The following SRGN variants were observed in gnomAD, a reference collection of about 807,000 sequenced individuals.
The protein encoded by SRGN is hematopoetic proteoglycan core peptide.
A neutral mutation model predicts 9.5 loss-of-function variants in SRGN; 2 were observed. The ratio of observed to expected loss-of-function variants is 0.21; its 90% CI spans 0.09 to 0.66. SRGN has a LOEUF of 0.66. Ranked by LOEUF, SRGN falls within the 30% of genes least tolerant of loss-of-function variation. The probability of loss-of-function intolerance (pLI) is 0.83; values close to 1 mark genes in which losing one functional copy is unlikely to be tolerated. For missense variants in SRGN, 170 were observed against 192.4 expected, an observed-to-expected ratio of 0.88 and a Z score of 0.69; for synonymous variants, 59 against 72.3, an observed-to-expected ratio of 0.82 and a Z score of 0.93.
chr10:69,093,542 G>GTAGCA (rs1840109864), intron 1 of SRGN, among the ~76,000 whole-genome samples: 1 of 152,162 alleles, frequency 6.6e-6, no homozygotes, highest in African/African-American at 2.4e-5. Context: ...GTAGCAATTA[G>GTAGCA]ATGCTAAACT....
intron 2 of SRGN, among the ~76,000 whole-genome samples, chr10:69,097,484 T>C (rs531009502): frequency 7.0e-6 from 1 of 143,414 alleles, no homozygotes; most frequent in Non-Finnish European, 1.5e-5. Flanking sequence ...TGGAGTGCAG[T>C]GGCGCAATCT....
intron 1 of SRGN, 109 bp from the exon 2 acceptor site, chr10:69,096,975 C>T: frequency 4.2e-6 from 5 of 1,182,024 alleles, no homozygotes; most frequent in Non-Finnish European, 4.7e-6. Flanking sequence ...GCTTGGGCAG[C>T]CGACTGAGAC....
intron 1 of SRGN, among the ~76,000 whole-genome samples, chr10:69,089,357 TAGGGAATATCTTC>T (rs1349319825): frequency 6.6e-6 from 1 of 152,220 alleles, no homozygotes; most frequent in African/African-American, 2.4e-5. Context: ...TGGGATCTTT[TAGGGAATATCTTC>T]AGCTTGATGA....
chr10:69,096,196 C>G (rs990355253), intron 1 of SRGN, among the ~76,000 whole-genome samples: 2 of 152,140 alleles, frequency 1.3e-5, no homozygotes, highest in Non-Finnish European at 1.5e-5. Context: ...GTGTTCCTTC[C>G]CCTTTCTGAA....
intron 2 of SRGN, chr10:69,098,641 AT>A (rs1347840550): frequency 1.3e-5 from 2 of 151,818 alleles, no homozygotes; most frequent in Admixed American, 6.6e-5. Flanking sequence ...TATTAAAAAA[AT>A]GTTCTTCAAG....
chr10:69,099,604 G>GCTGGTGACTTTCTCCATCA (rs1189067176), intron 2 of SRGN, among the ~76,000 whole-genome samples: 2 of 151,942 alleles, frequency 1.3e-5, no homozygotes, highest in Non-Finnish European at 2.9e-5. Flanking sequence ...CATTCCCAGC[G>GCTGGTGACTTTCTCCATCA]CTGGTGACTT....
At chr10:69,094,552 G>C (rs1182865773) in intron 1 of SRGN, among the ~76,000 whole-genome samples, 2 of 152,000 alleles carry the variant, frequency 1.3e-5, no homozygotes, top group East Asian at 3.9e-4. Context: ...ATGCAAAGAG[G>C]TATTCTGATT....
chr10:69,089,457 C>G (rs1379576328), intron 1 of SRGN, among the ~76,000 whole-genome samples: 1 of 152,112 alleles, frequency 6.6e-6, no homozygotes, highest in Non-Finnish European at 1.5e-5. Context: ...TCTTGAATGG[C>G]CAGATGGTGC....
intron 1 of SRGN, among the ~76,000 whole-genome samples, chr10:69,092,596 C>G (rs1840086950): frequency 6.6e-6 from 1 of 152,092 alleles, no homozygotes; most frequent in Non-Finnish European, 1.5e-5. Flanking sequence ...GAGTTTGAGA[C>G]TAGCCTGGCC....
At position 69,104,179 on chromosome 10, in the gene SRGN, G is replaced by T; in HGVS notation, c.*59G>T. ...TAGTTAGCATATTTTATGTACCATG[G>T]TTATATGATTAATCTTGGGACAAAG... On this transcript the variant is annotated 3_prime_UTR_variant, in exon 3 of 3. Coordinates refer to ENST00000242465, the MANE Select transcript of SRGN (RefSeq NM_002727.4). 6.5e-7 allele frequency: 1 copy of T among 1,547,836 alleles called. No homozygotes were observed. Among genetic ancestry groups the T allele is most frequent in the East Asian group, 2.3e-5 (1 of 43,922 alleles).
At chr10:69,096,983 G>A (rs1324198827) in intron 1 of SRGN, 101 bp from the exon 2 acceptor site, 2 of 1,277,790 alleles carry the variant, frequency 1.6e-6, no homozygotes, top group Non-Finnish European at 2.1e-6. Flanking sequence ...AGCCGACTGA[G>A]ACCCTGTCTC....
intron 2 of SRGN, among the ~76,000 whole-genome samples, chr10:69,100,711 A>T (rs1840271750): frequency 6.6e-6 from 1 of 151,436 alleles, no homozygotes; most frequent in African/African-American, 2.4e-5. Context: ...GGTGGAACTG[A>T]CCCCTGGCGT....
chr10:69,095,660 T>C (rs1442928578), intron 1 of SRGN, among the ~76,000 whole-genome samples: 2 of 152,104 alleles, frequency 1.3e-5, no homozygotes, highest in Admixed American at 1.3e-4. Flanking sequence ...CCTGTAATCC[T>C]CACATTTTCA....
rs760390232 is a variant in SRGN, at chr10:69,097,133, C to T, written c.129C>T (p.Asp43=). The T allele has an allele frequency of 2.5e-6, 4 of 1,614,158 alleles. No individual in the cohort carries two copies. Among genetic ancestry groups the T allele is most frequent in the South Asian group, 2.2e-5 (2 of 91,084 alleles). The change falls in exon 2 of 3, where the codon GAC becomes GAT. Residue 43 remains aspartate (D), a synonymous_variant. Transcript: ENST00000242465. The part of the protein sequence containing the change: ...ARYQWVRCNP[D]SNSANCLEEK... ...ACCAATGGGTGCGCTGCAATCCAGA[C>T]AGTAATTCTGCAAACTGCCTTGAAG...
intron 1 of SRGN, among the ~76,000 whole-genome samples, chr10:69,090,312 A>C (rs751974600): frequency 6.6e-6 from 1 of 152,256 alleles, no homozygotes; most frequent in South Asian, 2.1e-4. Flanking sequence ...GATGAAATCA[A>C]CTAGGCTTTT....
intron 1 of SRGN, among the ~76,000 whole-genome samples, chr10:69,094,631 G>A (rs1244879156): frequency 1.3e-5 from 2 of 151,870 alleles, no homozygotes; most frequent in Admixed American, 6.6e-5. Context: ...GTCTCGCTGT[G>A]TCACCCAGGC....
Position 69,097,160 on chromosome 10 carries a change from A to C in SRGN, c.156A>C (p.Glu52Asp). Reference sequence around the variant, plus strand: ...GTAATTCTGCAAACTGCCTTGAAGAAAAAGGACCAATGTTCGAACTACTTC... The same window carrying C: ...GTAATTCTGCAAACTGCCTTGAAGACAAAGGACCAATGTTCGAACTACTTC... ...PDSNSANCLE[E>D]KGPMFELLPG... Residue 52 changes from glutamate (E) to aspartate (D), a missense_variant, in exon 2 of 3, where the codon GAA becomes GAC. Glu to Asp is a conservative substitution (Grantham distance 45). Transcript: ENST00000242465. 1 of 1,614,176 alleles carries C rather than the reference A, an allele frequency of 6.2e-7. No individual in the cohort carries two copies. The highest frequency in any genetic ancestry group is 8.5e-7 in the Non-Finnish European group (1 of 1,179,998).
intron 1 of SRGN, among the ~76,000 whole-genome samples, chr10:69,092,517 G>T (rs987764494): frequency 6.6e-6 from 1 of 152,202 alleles, no homozygotes; most frequent in African/African-American, 2.4e-5. Context: ...GATTAGGCCA[G>T]GTGTGGTGGC....
chr10:69,102,250 C>T (rs1178537059), intron 2 of SRGN, among the ~76,000 whole-genome samples: 1 of 152,172 alleles, frequency 6.6e-6, no homozygotes, highest in East Asian at 1.9e-4. Flanking sequence ...CCATCGGTTG[C>T]ATGGGTTTAA....
Sources: allele counts gnomAD v4.1 joint callset (sites outside exome capture counted in the v4.1 genomes callset), GRCh38; gene constraint gnomAD v4.1.1; transcripts MANE v1.5; gene names NCBI Gene and HGNC (gene_info 2026-07-23, HGNC 2026-07-21).